PECAM1: variants seen among roughly 807,000 people sequenced by gnomAD.
PECAM1 encodes the protein platelet and endothelial cell adhesion molecule 1.
Under a neutral mutation model 13.8 loss-of-function variants are expected in PECAM1, and 8 were observed. The observed-to-expected ratio is 0.58, with a 90% CI of 0.34 to 1.05. The LOEUF is 1.05. Among genes scored for constraint, PECAM1 ranks in the 50% least tolerant of loss-of-function variants. PECAM1 has a pLI of 0.03. For synonymous variants in PECAM1, 136 were observed against 52.6 expected, an observed-to-expected ratio of 2.58 and a Z score of -6.86; for missense variants, 304 against 141.2, an observed-to-expected ratio of 2.15 and a Z score of -5.84.
chr17:64,330,970 A>T (rs534354620), intron 14 of PECAM1, among the ~76,000 whole-genome samples: 9 of 152,302 alleles, frequency 5.9e-5, no homozygotes, highest in Admixed American at 2.6e-4. Context: ...TCCTTACTTT[A>T]AAAATGTAGG....
chr17:64,378,034 C>T lies in PECAM1; in HGVS notation c.175G>A (p.Ala59Thr), dbSNP rs1342097112. Residue 59 changes from alanine to threonine, a missense_variant, in exon 3 of 16, where the codon GCG becomes ACG. Coordinates refer to ENST00000563924, the MANE Select transcript of PECAM1 (RefSeq NM_000442.5). Reference sequence around the variant, plus strand: ...ACGTGAGAGGTGGTGCTGACATCCGCGAAGCACTGCAGGGTCAGGTTCTTC... The same window carrying T: ...ACGTGAGAGGTGGTGCTGACATCCGTGAAGCACTGCAGGGTCAGGTTCTTC... ...NGKNLTLQCF[A>T]DVSTTSHVKP... 12 of 475,198 alleles carry T rather than the reference C, an allele frequency of 2.5e-5. No homozygotes were observed. Among genetic ancestry groups the T allele is most frequent in the East Asian group, 1.9e-4 (6 of 32,052 alleles). 29.4% of individuals were successfully genotyped at this position (475,198 alleles called of 1,614,324 possible). A position where few individuals can be genotyped will look rare whatever the true frequency, so the allele number is the denominator to read the frequency against.
rs937629865 is a variant in PECAM1 at position 64,322,135 on chromosome 17, G to A, written c.*1681C>T. 2.9e-6 allele frequency: 3 copies of A among 1,021,246 alleles called. No homozygotes were observed. Among genetic ancestry groups the A allele is most frequent in the Admixed American group, 4.5e-5 (1 of 22,162 alleles). The allele number at this position is 1,021,246 out of a possible 1,614,324, so 63.3% of individuals were successfully genotyped here. A position where few individuals can be genotyped will look rare whatever the true frequency, so the allele number is the denominator to read the frequency against. ...CTGCAATCCCAACCCAAAGGCCTGT[G>A]GAGCACACATGAGGACAAGGCGGGC... On this transcript the variant is annotated 3_prime_UTR_variant, in exon 16 of 16. Transcript: ENST00000563924.
At chr17:64,332,303 C>CA (rs1481780702) in intron 14 of PECAM1, among the ~76,000 whole-genome samples, 2 of 151,694 alleles carry the variant, frequency 1.3e-5, no homozygotes, top group Admixed American at 1.3e-4. Flanking sequence ...ATCTGACCTG[C>CA]AAGGACCCAA....
At position 64,331,070 on chromosome 17, in the gene PECAM1, T is replaced by A. The variant is rs146904848; in HGVS notation, c.2165-1348A>T. ...TCTAGATTTCATACTATTTTGTCAA[T>A]CCCTTCCAGGAGCAGGCTCAACAGA... On this transcript the variant is annotated intron_variant, in intron 14 of 15. Coordinates refer to ENST00000563924, the MANE Select transcript of PECAM1 (RefSeq NM_000442.5). 5.5e-4 allele frequency among the ~76,000 whole-genome samples: 84 copies of A among 152,272 alleles called. 1 individual carries two copies. The highest frequency in any genetic ancestry group is 1.6e-3 in the African/African-American group (67 of 41,542).
chr17:64,376,230 C>T (rs2036354862), intron 3 of PECAM1, among the ~76,000 whole-genome samples: 1 of 151,532 alleles, frequency 6.6e-6, no homozygotes, highest in Middle Eastern at 3.4e-3. Flanking sequence ...GCTTGAACCC[C>T]GAAGGCAGAG....
intron 12 of PECAM1, among the ~76,000 whole-genome samples, chr17:64,349,578 ACT>A (rs1179283751): frequency 9.0e-6 from 1 of 110,708 alleles, no homozygotes; most frequent in Non-Finnish European, 2.0e-5. Context: ...ACAGAGTAAG[ACT>A]CTGTATCAAA....
chr17:64,345,223 A>T (rs1398199224), intron 13 of PECAM1, among the ~76,000 whole-genome samples: 1 of 152,032 alleles, frequency 6.6e-6, no homozygotes, highest in South Asian at 2.1e-4. Flanking sequence ...TAATCCCAGC[A>T]CTTTGGGAGG....
intron 2 of PECAM1, among the ~76,000 whole-genome samples, chr17:64,380,893 A>G (rs2036467115): frequency 6.6e-6 from 1 of 152,160 alleles, no homozygotes; most frequent in East Asian, 1.9e-4. Flanking sequence ...AGGCTGAGGC[A>G]GGGGAATCAC....
chr17:64,330,988 C>T (rs2035098135), intron 14 of PECAM1, among the ~76,000 whole-genome samples: 1 of 152,034 alleles, frequency 6.6e-6, no homozygotes, highest in Non-Finnish European at 1.5e-5. Flanking sequence ...AGGTGCTTTC[C>T]AAGTTTTTGC....
intron 2 of PECAM1, among the ~76,000 whole-genome samples, chr17:64,389,279 T>A (rs2036666048): frequency 6.6e-6 from 1 of 152,176 alleles, no homozygotes; most frequent in Non-Finnish European, 1.5e-5. Flanking sequence ...GACAAGGAAA[T>A]AGTGTTCTGT....
chr17:64,370,340 T>A, intron 4 of PECAM1: 1 of 202,798 alleles, frequency 4.9e-6, no homozygotes, highest in Admixed American at 6.0e-5. Context: ...ATGATCTTCC[T>A]CCTGCCCACT....
chr17:64,348,686 C>T (rs1034453132), intron 12 of PECAM1, among the ~76,000 whole-genome samples: 11 of 152,190 alleles, frequency 7.2e-5, no homozygotes, highest in Non-Finnish European at 1.3e-4. Flanking sequence ...GATCCGCCCA[C>T]CTCAGCCTCC....
At chr17:64,381,470 AAGTT>A (rs1317458478) in intron 2 of PECAM1, among the ~76,000 whole-genome samples, 1 of 152,142 alleles carries the variant, frequency 6.6e-6, no homozygotes, top group Non-Finnish European at 1.5e-5. Context: ...AATAAGAAAA[AAGTT>A]AGTTAGCTAG....
intron 15 of PECAM1, among the ~76,000 whole-genome samples, chr17:64,325,851 A>C (rs573540494): frequency 6.6e-6 from 1 of 152,346 alleles, no homozygotes; most frequent in South Asian, 2.1e-4. Flanking sequence ...TGTGTCACCT[A>C]TCCACCTATC....
chr17:64,353,373 C>G, intron 10 of PECAM1, 118 bp downstream of exon 10: 1 of 408,308 alleles, frequency 2.4e-6, no homozygotes, highest in Non-Finnish European at 4.4e-6. Flanking sequence ...CCAAGGAAGG[C>G]CTATATTTTT....
intron 3 of PECAM1, 183 bp downstream of exon 3, chr17:64,377,641 G>GAAGGAAGGAAGGAA (rs1598050577): frequency 1.7e-4 from 68 of 405,638 alleles, no homozygotes; most frequent in South Asian, 9.6e-4. Flanking sequence ...AGGAAGGAAG[G>GAAGGAAGGAAGGAA]GCCTGGCCTA....
chr17:64,388,382 G>A (rs963821384), intron 2 of PECAM1, among the ~76,000 whole-genome samples: 5 of 152,242 alleles, frequency 3.3e-5, no homozygotes, highest in South Asian at 4.2e-4. Flanking sequence ...GGCTAGGACC[G>A]TGTAGTAAAC....
intron 6 of PECAM1, among the ~76,000 whole-genome samples, chr17:64,362,106 A>G (rs1474584404): frequency 6.6e-6 from 1 of 152,216 alleles, no homozygotes; most frequent in Non-Finnish European, 1.5e-5. Flanking sequence ...TCTATAATCA[A>G]CCAGAATCTC....
At chr17:64,387,939 G>T (rs909530859) in intron 2 of PECAM1, among the ~76,000 whole-genome samples, 1 of 152,190 alleles carries the variant, frequency 6.6e-6, no homozygotes, top group Non-Finnish European at 1.5e-5. Flanking sequence ...GGCCTAGGGG[G>T]CCTAAGGAAT....
Sources: allele counts gnomAD v4.1 joint callset (sites outside exome capture counted in the v4.1 genomes callset), GRCh38; gene constraint gnomAD v4.1.1; transcripts MANE v1.5; gene names NCBI Gene and HGNC (gene_info 2026-07-23, HGNC 2026-07-21).